SMG1: variants seen among roughly 807,000 people sequenced by gnomAD.
SMG1 encodes serine/threonine-protein kinase SMG1.
A neutral mutation model predicts 419.9 loss-of-function variants in SMG1; 22 were observed. The observed-to-expected ratio is 0.05, with a 90% CI of 0.04 to 0.07. SMG1 has a LOEUF of 0.07. Among genes scored for constraint, SMG1 ranks in the 10% least tolerant of loss-of-function variants. The probability of loss-of-function intolerance (pLI) is 1.00; values close to 1 mark genes in which losing one functional copy is unlikely to be tolerated. For synonymous variants in SMG1, 1,538 were observed against 1,553.5 expected (o/e 0.99, Z 0.23); for missense variants, 3,185 against 4,342.0 (o/e 0.73, Z 7.49).
intron 41 of SMG1, 73 bp from the exon 42 acceptor site, chr16:18,840,019 TAA>T: frequency 8.2e-7 from 1 of 1,218,936 alleles, no homozygotes; most frequent in Middle Eastern, 2.2e-4. Flanking sequence ...CTTTTGTATG[TAA>T]AGTAGAATTT....
chr16:18,819,290 A>G (rs1026569845), intron 56 of SMG1, among the ~76,000 whole-genome samples: 2 of 150,420 alleles, frequency 1.3e-5, no homozygotes, highest in African/African-American at 4.9e-5. Flanking sequence ...TATTTAATTA[A>G]TATTTAAATG....
rs2033092680 is a variant in SMG1 at position 18,830,461 on chromosome 16, T to C, written c.8793-92A>G. The C allele has an allele frequency of 5.8e-6, 8 of 1,376,568 alleles. No homozygotes were observed. The South Asian group carries it at 8.8e-5, about 15-fold the overall frequency. 85.3% of individuals were successfully genotyped at this position (1,376,568 alleles called of 1,614,324 possible). A position where few individuals can be genotyped will look rare whatever the true frequency, so the allele number is the denominator to read the frequency against. On this transcript the variant is annotated intron_variant, in intron 51 of 62. Transcript: ENST00000446231. ...GTCAGTACATCTCACAGCTGCATGC[T>C]GTGAGAGTCTAGAAAGCCTTCTGGC...
intron 23 of SMG1, among the ~76,000 whole-genome samples, chr16:18,865,878 T>G (rs1033512763): frequency 6.6e-6 from 1 of 151,998 alleles, no homozygotes; most frequent in African/African-American, 2.4e-5. Flanking sequence ...GTTAGGCTAG[T>G]CTCAAACTCC....
chr16:18,915,850 C>A lies in SMG1; in HGVS notation c.92+10100G>T, dbSNP rs1417924237. The stretch of plus-strand genomic sequence containing the variant: ...TTGGGAGGCCGAGGCAGGTGGATCA[C>A]CTGAGGTCAGGAGTTCAAGACCAGC... On this transcript the variant is annotated intron_variant, in intron 1 of 62. Transcript: ENST00000446231. Among the ~76,000 whole-genome samples the A allele has an allele frequency of 5.3e-5, 8 of 151,214 alleles. No homozygotes were observed. In the South Asian group the frequency reaches 1.3e-3, roughly 24 times the overall value.
Position 18,830,016 on chromosome 16 carries a change from G to C in SMG1, c.9043C>G (p.Gln3015Glu), listed in dbSNP as rs2033056142. 6.3e-7 allele frequency: 1 copy of C among 1,594,902 alleles called. No individual in the cohort carries two copies. Among genetic ancestry groups the C allele is most frequent in the African/African-American group, 1.3e-5 (1 of 74,696 alleles). ...AGAAAGAAAATCTCTTCTAGCACCT[G>C]CCGGTGATTATCATCATCAAAAAAA... is the stretch of plus-strand genomic sequence containing the variant. ...VNFFDDDNHRQVLEEIFFLKR... is the reference protein window; with the variant it reads ...VNFFDDDNHREVLEEIFFLKR... Residue 3015 changes from glutamine (Q) to glutamate (E), a missense_variant, in exon 53 of 63, where the codon CAG (glutamine) becomes GAG (glutamate). Physicochemically the swap from Gln to Glu is conservative, Grantham distance 29. Around this residue, in one of 27 missense-constraint regions of SMG1, gnomAD observed 737 missense variants for 846.6 expected, o/e 0.87. Coordinates refer to ENST00000446231, the MANE Select transcript of SMG1 (RefSeq NM_015092.5).
intron 56 of SMG1, among the ~76,000 whole-genome samples, chr16:18,818,659 A>G (rs1380708320): frequency 1.3e-5 from 2 of 152,158 alleles, no homozygotes; most frequent in Non-Finnish European, 2.9e-5. Flanking sequence ...GTGAAATAAG[A>G]TAAGACTTAA....
In SMG1 at chr16:18,894,231, A is replaced by C. The variant is rs570204816; in HGVS notation, c.412+1821T>G. ...AATCTATACTACAAACCCTCATGACACAAGTTTACCAATGTAACAAATCTG... is the reference window on the plus strand; with the variant it reads ...AATCTATACTACAAACCCTCATGACCCAAGTTTACCAATGTAACAAATCTG... On this transcript the variant is annotated intron_variant, in intron 3 of 62. Transcript: ENST00000446231. Among the ~76,000 whole-genome samples the C allele has an allele frequency of 6.0e-4, 92 of 152,212 alleles. 1 individual carries two copies. The highest frequency in any genetic ancestry group is 6.8e-3 in the Middle Eastern group (2 of 294).
intron 29 of SMG1, chr16:18,857,017 C>T (rs1315423787): frequency 6.6e-6 from 1 of 152,148 alleles, no homozygotes; most frequent in African/African-American, 2.4e-5. Flanking sequence ...GGGGAAATCC[C>T]CATATAACTG....
At chr16:18,814,636 G>A (rs969062941) in intron 60 of SMG1, among the ~76,000 whole-genome samples, 2 of 151,718 alleles carry the variant, frequency 1.3e-5, no homozygotes, top group African/African-American at 4.8e-5. Flanking sequence ...GTGCAGTGGC[G>A]TGATCTTGGC....
intron 35 of SMG1, 49 bp downstream of exon 35, chr16:18,849,900 T>C (rs1252119484): frequency 4.5e-6 from 7 of 1,547,602 alleles, no homozygotes; most frequent in Admixed American, 2.0e-5. Context: ...AAATCTTATA[T>C]ATCCTAGTGA....
At chr16:18,836,777 T>C (rs542980164) in intron 46 of SMG1, among the ~76,000 whole-genome samples, 1 of 152,352 alleles carries the variant, frequency 6.6e-6, no homozygotes, top group East Asian at 1.9e-4. Flanking sequence ...GGTTAGAGAC[T>C]GATGCTTGAC....
chr16:18,852,255 T>C (rs949793615), intron 32 of SMG1, 50 bp from the exon 33 acceptor site: 2 of 1,605,432 alleles, frequency 1.2e-6, no homozygotes, highest in East Asian at 2.2e-5. Flanking sequence ...AACTTTACCA[T>C]ATCAGCAGAC....
Position 18,809,615 on chromosome 16 carries a change from A to G in SMG1, c.10940T>C (p.Leu3647Pro). 6.2e-7 allele frequency: 1 copy of G among 1,610,424 alleles called. No individual in the cohort carries two copies. Among genetic ancestry groups the G allele is most frequent in the Non-Finnish European group, 8.5e-7 (1 of 1,178,226 alleles). ...VDYVIKEATN[L>P]DNLAQLYEGW... ...TTCATACAGCTGAGCCAAGTTATCT[A>G]GATTAGTTGCTTCCTTAATGACATA... Residue 3647 changes from leucine to proline, a missense_variant, in exon 63 of 63, where the codon CTA becomes CCA. Leu to Pro is a moderately conservative substitution (Grantham distance 98, BLOSUM62 -3). Transcript: ENST00000446231.
intron 60 of SMG1, among the ~76,000 whole-genome samples, chr16:18,813,164 T>C (rs1350234531): frequency 2.0e-5 from 3 of 152,202 alleles, no homozygotes; most frequent in Non-Finnish European, 2.9e-5. Flanking sequence ...GCATGATTTA[T>C]AGTCCTTTGG....
intron 29 of SMG1, 71 bp from the exon 30 acceptor site, chr16:18,854,975 A>T: frequency 6.9e-7 from 1 of 1,458,514 alleles, no homozygotes; most frequent in Non-Finnish European, 9.3e-7. Flanking sequence ...ATGGCCAAAA[A>T]ATTATTCCCC....
At chr16:18,921,129 C>G (rs1204207318) in intron 1 of SMG1, among the ~76,000 whole-genome samples, 1 of 139,978 alleles carries the variant, frequency 7.1e-6, no homozygotes, top group Non-Finnish European at 1.5e-5. Context: ...CAAAGTAAAA[C>G]TCTGTCTCAA....
chr16:18,853,623 C>T lies in SMG1; in HGVS notation c.4728G>A (p.Thr1576=), dbSNP rs767829543. 1 of 1,608,644 alleles carries T rather than the reference C, an allele frequency of 6.2e-7. No individual in the cohort carries two copies. The highest frequency in any genetic ancestry group is 8.5e-7 in the Non-Finnish European group (1 of 1,177,018). The change falls in exon 31 of 63, where the codon ACG becomes ACA. Residue 1576 remains threonine (T), a synonymous_variant. Transcript: ENST00000446231. The part of the protein sequence containing the change: ...LTLIELPSVN[T]MEEEYPRIES... ...CGATCCGAGGATACTCTTCTTCCATCGTATTAACAGATGGCAGTTCTATTA... is the reference window on the plus strand; with the variant it reads ...CGATCCGAGGATACTCTTCTTCCATTGTATTAACAGATGGCAGTTCTATTA...
Position 18,809,653 on chromosome 16 carries a change from A to T in SMG1, c.10909-7T>A, listed in dbSNP as rs1191204305. ...CCTTAATGACATAGTCAACCTGTAA[A>T]AATAGGCAGGATAGTATGTAAAGTC... On this transcript the variant is annotated splice_region_variant and splice_polypyrimidine_tract_variant and intron_variant, in intron 62 of 62. Transcript: ENST00000446231. 1 of 1,589,738 alleles carries T rather than the reference A, an allele frequency of 6.3e-7. No individual in the cohort carries two copies. The highest frequency in any genetic ancestry group is 8.6e-7 in the Non-Finnish European group (1 of 1,164,648).
intron 54 of SMG1, 26 bp downstream of exon 54, chr16:18,829,260 A>AAC (rs753230850): frequency 6.4e-7 from 1 of 1,565,088 alleles, no homozygotes; most frequent in Non-Finnish European, 8.7e-7. Flanking sequence ...CTTGAGGAAA[A>AAC]ACACATTATA....
Sources: gnomAD v4.1 joint callset for allele counts (sites outside exome capture counted in the v4.1 genomes callset) on GRCh38, gnomAD v4.1.1 for gene constraint, gnomAD v4.1.1 regional missense constraint, MANE v1.5 for transcripts, NCBI Gene and HGNC (gene_info 2026-07-23, HGNC 2026-07-21) for gene names.